Variants in SMAD1 observed in about 807,000 individuals in gnomAD.
SMAD1 encodes SMAD family member 1.
In SMAD1, 6 loss-of-function variants were observed where a neutral mutation model predicts 41.6. That is an observed-to-expected ratio of 0.14 (90% CI 0.08 to 0.28). The LOEUF (loss-of-function observed/expected upper bound fraction) is 0.28, where lower values mean the gene tolerates loss of function less well. Ranked by LOEUF, SMAD1 falls within the 10% of genes least tolerant of loss-of-function variation. The probability of loss-of-function intolerance (pLI) is 1.00; values close to 1 mark genes in which losing one functional copy is unlikely to be tolerated. For synonymous variants in SMAD1, 206 were observed against 203.2 expected (o/e 1.01, Z -0.12); for missense variants, 379 against 582.6 (o/e 0.65, Z 3.60).
At chr4:145,529,962 G>T (rs1731231478) in intron 2 of SMAD1, among the ~76,000 whole-genome samples, 1 of 152,138 alleles carries the variant, frequency 6.6e-6, no homozygotes, top group Admixed American at 6.5e-5. Context: ...GAGTCTGAGG[G>T]CTGAACTTTG....
Position 145,482,718 on chromosome 4 carries a change from G to C in SMAD1, c.-177+680G>C, listed in dbSNP as rs1728259899. The C allele has an allele frequency of 6.6e-6, 1 of 152,232 alleles. No individual in the cohort carries two copies. Among genetic ancestry groups the C allele is most frequent in the East Asian group, 1.9e-4 (1 of 5,176 alleles). 9.4% of individuals were successfully genotyped at this position (152,232 alleles called of 1,614,324 possible). ...CTAATTTATTCAAAGGTTTGGCGGC[G>C]GCGCGTAATTTTTTCCCCCTCTTCC... On this transcript the variant is annotated intron_variant, in intron 1 of 6. Coordinates refer to ENST00000302085, the MANE Select transcript of SMAD1 (RefSeq NM_005900.3). The surrounding 1 kb of genome is among the most constrained non-coding windows in gnomAD (Gnocchi z 4.2).
chr4:145,516,226 G>A (rs1311970318), intron 2 of SMAD1, among the ~76,000 whole-genome samples: 1 of 152,114 alleles, frequency 6.6e-6, no homozygotes, highest in Non-Finnish European at 1.5e-5. Context: ...ATATGTATGA[G>A]TCCATGACAA....
intron 1 of SMAD1, among the ~76,000 whole-genome samples, chr4:145,494,478 T>C (rs1728953000): frequency 6.6e-6 from 1 of 152,218 alleles, no homozygotes; most frequent in Non-Finnish European, 1.5e-5. Context: ...ATTAACTCTT[T>C]AGACTGAGTT....
At chr4:145,524,454 AGTT>A (rs922854106) in intron 2 of SMAD1, among the ~76,000 whole-genome samples, 20 of 152,316 alleles carry the variant, frequency 1.3e-4, no homozygotes, top group African/African-American at 4.3e-4. Context: ...AAAGTACATA[AGTT>A]GTTATACATC....
intron 2 of SMAD1, among the ~76,000 whole-genome samples, chr4:145,523,262 A>G (rs1249071484): frequency 6.6e-6 from 1 of 152,184 alleles, no homozygotes; most frequent in Non-Finnish European, 1.5e-5. Flanking sequence ...AGAGACTGCG[A>G]CTAACTCTTA....
chr4:145,542,609 C>T lies in SMAD1; in HGVS notation c.686C>T (p.Pro229Leu), dbSNP rs953331810. 15 of 1,610,822 alleles carry T rather than the reference C, an allele frequency of 9.3e-6. No individual in the cohort carries two copies. The highest frequency in any genetic ancestry group is 1.3e-5 in the Non-Finnish European group (15 of 1,178,752). The part of the protein sequence containing the change: ...PADTPPPAYL[P>L]PEDPMTQDGS... Reference sequence around the variant, plus strand: ...GATACGCCCCCACCTGCTTACCTGCCTCCTGAAGACCCCATGACCCAGGAT... The same window carrying T: ...GATACGCCCCCACCTGCTTACCTGCTTCCTGAAGACCCCATGACCCAGGAT... Residue 229 changes from proline to leucine, a missense_variant, in exon 4 of 7, where the codon CCT becomes CTT. Physicochemically the swap from Pro to Leu is moderately conservative, Grantham distance 98. Coordinates refer to ENST00000302085, the MANE Select transcript of SMAD1 (RefSeq NM_005900.3).
At chr4:145,537,746 G>T (rs945443699) in intron 2 of SMAD1, among the ~76,000 whole-genome samples, 1 of 152,118 alleles carries the variant, frequency 6.6e-6, no homozygotes, top group Non-Finnish European at 1.5e-5. Context: ...ATTGCCCTTT[G>T]CTGTGGCTAT....
At chr4:145,483,507 G>C (rs1728309968) in intron 1 of SMAD1, among the ~76,000 whole-genome samples, 1 of 152,198 alleles carries the variant, frequency 6.6e-6, no homozygotes. Flanking sequence ...CGGAACAGAA[G>C]TGTTCACTGC....
chr4:145,554,440 G>A (rs1284434407), intron 6 of SMAD1, among the ~76,000 whole-genome samples: 1 of 151,934 alleles, frequency 6.6e-6, no homozygotes, highest in Non-Finnish European at 1.5e-5. Flanking sequence ...TGATGGTAAT[G>A]CTTGTTTTTG....
At chr4:145,526,270 C>A (rs1398256121) in intron 2 of SMAD1, among the ~76,000 whole-genome samples, 1 of 152,098 alleles carries the variant, frequency 6.6e-6, no homozygotes, top group Non-Finnish European at 1.5e-5. Context: ...AGTGAAATTG[C>A]CTTATATGTT....
intron 2 of SMAD1, among the ~76,000 whole-genome samples, chr4:145,515,690 C>T (rs1345536227): frequency 6.6e-6 from 1 of 151,978 alleles, no homozygotes; most frequent in Non-Finnish European, 1.5e-5. Flanking sequence ...ACGGTTTTGC[C>T]CTCAAGTTAG....
intron 2 of SMAD1, among the ~76,000 whole-genome samples, chr4:145,523,723 A>G (rs369130909): frequency 1.8e-4 from 28 of 152,280 alleles, no homozygotes; most frequent in Non-Finnish European, 7.4e-5. Context: ...GATACAAATC[A>G]GCTTTTGCGC....
chr4:145,522,898 C>T (rs972411082), intron 2 of SMAD1, among the ~76,000 whole-genome samples: 19 of 151,872 alleles, frequency 1.3e-4, no homozygotes, highest in South Asian at 2.1e-4. Context: ...AGGCTGGTCT[C>T]GAACTCCTGA....
intron 6 of SMAD1, among the ~76,000 whole-genome samples, chr4:145,556,800 C>T (rs1362295690): frequency 6.6e-6 from 1 of 152,194 alleles, no homozygotes; most frequent in Non-Finnish European, 1.5e-5. Context: ...AAGTGATTCT[C>T]ATGCCTGAGC....
intron 1 of SMAD1, among the ~76,000 whole-genome samples, chr4:145,509,254 A>T (rs957995733): frequency 6.6e-6 from 1 of 152,206 alleles, no homozygotes; most frequent in South Asian, 2.1e-4. Context: ...TTGTTTACAC[A>T]CTGGCTTTCC....
chr4:145,526,462 G>A (rs532671128), intron 2 of SMAD1, among the ~76,000 whole-genome samples: 10 of 152,250 alleles, frequency 6.6e-5, no homozygotes, highest in African/African-American at 2.4e-4. Context: ...AAAAGTTGTG[G>A]ATAAATGTCT....
chr4:145,502,078 G>GT (rs879345567), intron 1 of SMAD1, among the ~76,000 whole-genome samples: 10 of 152,186 alleles, frequency 6.6e-5, no homozygotes, highest in Non-Finnish European at 1.0e-4. Context: ...AAAGAGAATA[G>GT]TTTTTTCTGA....
chr4:145,511,207 C>G (rs1314545461), intron 1 of SMAD1, among the ~76,000 whole-genome samples: 2 of 152,166 alleles, frequency 1.3e-5, no homozygotes, highest in Non-Finnish European at 2.9e-5. Context: ...GGGATTATAT[C>G]TAAATCTTAC....
intron 5 of SMAD1, among the ~76,000 whole-genome samples, chr4:145,548,370 A>G (rs1732370562): frequency 6.6e-6 from 1 of 152,068 alleles, no homozygotes; most frequent in Non-Finnish European, 1.5e-5. Flanking sequence ...CTGGGAGGTT[A>G]CAGGTGTGCA....
Sources: gnomAD v4.1 joint callset for allele counts (sites outside exome capture counted in the v4.1 genomes callset) on GRCh38, gnomAD v4.1.1 for gene constraint, Gnocchi (gnomAD v3.1) non-coding constraint, MANE v1.5 for transcripts, NCBI Gene and HGNC (gene_info 2026-07-23, HGNC 2026-07-21) for gene names.